Variants in GPR158 observed in about 807,000 individuals in gnomAD.
GPR158 encodes metabotropic glycine receptor.
Under a neutral mutation model 78.2 loss-of-function variants are expected in GPR158, and 30 were observed. That is an observed-to-expected ratio of 0.38 (90% CI 0.29 to 0.52). The LOEUF (loss-of-function observed/expected upper bound fraction) is 0.52, where lower values mean the gene tolerates loss of function less well. GPR158 is among the 20% of genes least tolerant of loss of function. The pLI, the probability that GPR158 is intolerant of heterozygous loss-of-function variation, is 0.83. For synonymous variants in GPR158, 581 were observed against 591.1 expected, an observed-to-expected ratio of 0.98 and a Z score of 0.25; for missense variants, 1,463 against 1,523.5, an observed-to-expected ratio of 0.96 and a Z score of 0.66.
At chr10:25,369,350 C>T (rs1833954449) in intron 2 of GPR158, among the ~76,000 whole-genome samples, 3 of 150,044 alleles carry the variant, frequency 2.0e-5, no homozygotes, top group Admixed American at 2.0e-4. Flanking sequence ...CCATCAATAG[C>T]TAATTTATTG....
In GPR158 at chr10:25,221,052, G is replaced by T; in HGVS notation, c.903G>T (p.Arg301Ser). 1 of 1,433,586 alleles carries T rather than the reference G, an allele frequency of 7.0e-7. No individual in the cohort carries two copies. The highest frequency in any genetic ancestry group is 9.8e-7 in the Non-Finnish European group (1 of 1,021,710). The allele number at this position is 1,433,586 out of a possible 1,614,324, so 88.8% of individuals were successfully genotyped here. ...TCTTTTTATCCTTTTCTATTTCTAG[G>T]GGTGTCATGAAAGTTGACATAAATC... ...GLQPNLVPEFRGVMKVDINLQ... is the reference protein window; with the variant it reads ...GLQPNLVPEFSGVMKVDINLQ... Residue 301 changes from arginine (R) to serine (S), a missense_variant and splice_region_variant, in exon 2 of 11, where the codon AGG (arginine) becomes AGT (serine). Arg to Ser is a moderately radical substitution (Grantham distance 110). Coordinates refer to ENST00000376351, the MANE Select transcript of GPR158 (RefSeq NM_020752.3).
intron 2 of GPR158, among the ~76,000 whole-genome samples, chr10:25,241,173 CTTTCTT>C (rs1280949762): frequency 3.0e-5 from 3 of 98,606 alleles, no homozygotes; most frequent in African/African-American, 1.3e-4. Flanking sequence ...TTCTTTCTTT[CTTTCTT>C]TCTTTCTTTC....
At chr10:25,398,807 A>G (rs772487748) in intron 3 of GPR158, among the ~76,000 whole-genome samples, 5 of 152,222 alleles carry the variant, frequency 3.3e-5, no homozygotes, top group African/African-American at 9.6e-5. Flanking sequence ...TTCAGCTTTG[A>G]CCTCAGCACA....
chr10:25,576,455 C>T (rs1347221410), intron 7 of GPR158, among the ~76,000 whole-genome samples: 2 of 152,136 alleles, frequency 1.3e-5, no homozygotes, highest in Non-Finnish European at 2.9e-5. Flanking sequence ...AGAAAACTTA[C>T]TTACCAGGCA....
chr10:25,424,104 A>G (rs536646593), intron 4 of GPR158, among the ~76,000 whole-genome samples: 108 of 151,994 alleles, frequency 7.1e-4, no homozygotes, highest in Non-Finnish European at 1.2e-3. Flanking sequence ...TCTCATTGTG[A>G]TTTTGATTTG....
intron 2 of GPR158, among the ~76,000 whole-genome samples, chr10:25,295,237 A>G (rs1006919880): frequency 6.6e-6 from 1 of 152,240 alleles, no homozygotes; most frequent in South Asian, 2.1e-4. Flanking sequence ...CTTCTAATCA[A>G]TTTCACTGTT....
At chr10:25,330,301 G>A (rs548496701) in intron 2 of GPR158, among the ~76,000 whole-genome samples, 1 of 152,036 alleles carries the variant, frequency 6.6e-6, no homozygotes, top group African/African-American at 2.4e-5. Context: ...GTCCCCAGTG[G>A]CAATGACTCA....
intron 2 of GPR158, among the ~76,000 whole-genome samples, chr10:25,330,273 G>A (rs1004252038): frequency 1.3e-5 from 2 of 151,682 alleles, no homozygotes; most frequent in Non-Finnish European, 2.9e-5. Context: ...TCCTAACACG[G>A]CCCCTCTTTT....
chr10:25,191,494 T>A (rs1588726839), intron 1 of GPR158, among the ~76,000 whole-genome samples: 1 of 152,220 alleles, frequency 6.6e-6, no homozygotes, highest in South Asian at 2.1e-4. Context: ...CAATCTGCAA[T>A]AGGATCTGAA....
At chr10:25,306,592 T>C (rs1002224616) in intron 2 of GPR158, among the ~76,000 whole-genome samples, 41 of 152,190 alleles carry the variant, frequency 2.7e-4, no homozygotes, top group African/African-American at 9.4e-4. Flanking sequence ...CATACACACA[T>C]ACTTCTGTTG....
chr10:25,423,786 G>A (rs1834785185), intron 4 of GPR158, among the ~76,000 whole-genome samples: 1 of 152,242 alleles, frequency 6.6e-6, no homozygotes, highest in South Asian at 2.1e-4. Flanking sequence ...GTCTATCATT[G>A]ATGGAAATTT....
intron 1 of GPR158, among the ~76,000 whole-genome samples, chr10:25,216,990 T>C (rs1229441658): frequency 6.6e-6 from 1 of 152,176 alleles, no homozygotes; most frequent in African/African-American, 2.4e-5. Context: ...GTAATATTGA[T>C]TTCAAGTAGG....
At chr10:25,383,798 A>G (rs1021141181) in intron 2 of GPR158, among the ~76,000 whole-genome samples, 14 of 152,206 alleles carry the variant, frequency 9.2e-5, no homozygotes, top group African/African-American at 3.4e-4. Flanking sequence ...TAAAGTGACC[A>G]TGCACTAGCA....
chr10:25,440,496 A>G (rs891790228), intron 4 of GPR158, among the ~76,000 whole-genome samples: 1 of 152,204 alleles, frequency 6.6e-6, no homozygotes, highest in African/African-American at 2.4e-5. Flanking sequence ...TAAGAAATAC[A>G]TCTGACAGGG....
intron 2 of GPR158, among the ~76,000 whole-genome samples, chr10:25,290,489 C>A (rs1406311032): frequency 6.6e-6 from 1 of 151,938 alleles, no homozygotes; most frequent in Non-Finnish European, 1.5e-5. Context: ...GATGGTTAAA[C>A]CTTAAAATAG....
chr10:25,442,060 G>T (rs1835075173), intron 4 of GPR158, among the ~76,000 whole-genome samples: 1 of 152,156 alleles, frequency 6.6e-6, no homozygotes, highest in South Asian at 2.1e-4. Flanking sequence ...TAAAATGTCT[G>T]TGAATGTAGA....
chr10:25,282,635 C>A (rs1854292952), intron 2 of GPR158, among the ~76,000 whole-genome samples: 1 of 152,138 alleles, frequency 6.6e-6, no homozygotes. Context: ...CCATCACTTT[C>A]AATTTTCAGT....
intron 2 of GPR158, among the ~76,000 whole-genome samples, chr10:25,248,333 T>C (rs1160211333): frequency 6.6e-6 from 1 of 152,202 alleles, no homozygotes; most frequent in Non-Finnish European, 1.5e-5. Context: ...AGATCCCATT[T>C]GTCAATTTTG....
intron 6 of GPR158, among the ~76,000 whole-genome samples, chr10:25,560,932 A>G (rs1836851575): frequency 6.6e-6 from 1 of 152,182 alleles, no homozygotes; most frequent in Non-Finnish European, 1.5e-5. Flanking sequence ...TTCCCTTGTG[A>G]TATCTCTAGG....
Sources: gnomAD v4.1 joint callset for allele counts (sites outside exome capture counted in the v4.1 genomes callset) on GRCh38, gnomAD v4.1.1 for gene constraint, MANE v1.5 for transcripts, NCBI Gene and HGNC (gene_info 2026-07-23, HGNC 2026-07-21) for gene names.